LRRC4C: variants seen among roughly 807,000 people sequenced by gnomAD.
LRRC4C encodes the protein leucine-rich repeat-containing protein 4C.
Under a neutral mutation model 33.6 loss-of-function variants are expected in LRRC4C, and 5 were observed. That is an observed-to-expected ratio of 0.15 (90% CI 0.08 to 0.31). LRRC4C has a LOEUF of 0.31. LRRC4C is among the 10% of genes least tolerant of loss of function. The pLI, the probability that LRRC4C is intolerant of heterozygous loss-of-function variation, is 1.00. For missense variants in LRRC4C, 560 were observed against 796.7 expected, an observed-to-expected ratio of 0.70 and a Z score of 3.58; for synonymous variants, 329 against 302.0, an observed-to-expected ratio of 1.09 and a Z score of -0.93.
chr11:40,417,379 T>C (rs1395310354), intron 3 of LRRC4C, among the ~76,000 whole-genome samples: 1 of 152,124 alleles, frequency 6.6e-6, no homozygotes, highest in Non-Finnish European at 1.5e-5. Flanking sequence ...TGGCCCAGGA[T>C]GGAGTGCAGT....
chr11:40,260,726 G>A (rs1867642273), intron 4 of LRRC4C, among the ~76,000 whole-genome samples: 2 of 152,066 alleles, frequency 1.3e-5, no homozygotes, highest in South Asian at 4.2e-4. Context: ...TATGGATAGA[G>A]CAGCCCAGGA....
chr11:40,822,763 C>T lies in LRRC4C; in HGVS notation c.-407+110872G>A, dbSNP rs563412062. 7.9e-5 allele frequency among the ~76,000 whole-genome samples: 12 copies of T among 151,724 alleles called. 1 individual carries two copies. Among genetic ancestry groups the T allele is most frequent in the Admixed American group, 2.6e-4 (4 of 15,196 alleles). Reference sequence around the variant, plus strand: ...ATTTGCCCAAATCAATTTTCTAAAGCGCTTCCCTAATGTTGTCTTTTAGTT... The same window carrying T: ...ATTTGCCCAAATCAATTTTCTAAAGTGCTTCCCTAATGTTGTCTTTTAGTT... On this transcript the variant is annotated intron_variant, in intron 2 of 6. Coordinates refer to ENST00000528697, the MANE Select transcript of LRRC4C (RefSeq NM_001258419.2).
intron 3 of LRRC4C, among the ~76,000 whole-genome samples, chr11:40,384,183 A>G (rs1333269752): frequency 3.3e-5 from 5 of 152,040 alleles, no homozygotes; most frequent in Non-Finnish European, 5.9e-5. Context: ...GTATGATTTT[A>G]GAATCGTCAC....
intron 1 of LRRC4C, among the ~76,000 whole-genome samples, chr11:41,443,089 A>ATTTTTTTTTTTTTTTTTTTTTTCT: frequency 9.4e-6 from 1 of 105,994 alleles, no homozygotes; most frequent in Non-Finnish European, 1.8e-5. Context: ...TGTTTGCTTC[A>ATTTTTTTTTTTTTTTTTTTTTTCT]TTTTTTTTTT....
intron 1 of LRRC4C, among the ~76,000 whole-genome samples, chr11:41,249,546 T>C (rs1183760747): frequency 2.0e-5 from 3 of 152,110 alleles, no homozygotes; most frequent in African/African-American, 7.2e-5. Flanking sequence ...CATCCTACCT[T>C]TTTGACTGCC....
intron 5 of LRRC4C, among the ~76,000 whole-genome samples, chr11:40,159,567 T>A (rs989146273): frequency 2.0e-5 from 3 of 152,176 alleles, no homozygotes; most frequent in Non-Finnish European, 4.4e-5. Flanking sequence ...TAGAAATATA[T>A]GAAAATCCCA....
intron 1 of LRRC4C, among the ~76,000 whole-genome samples, chr11:41,176,408 CCAGT>C (rs1484448008): frequency 4.6e-5 from 7 of 152,074 alleles, no homozygotes; most frequent in South Asian, 2.1e-4. Flanking sequence ...ACAATAATTC[CCAGT>C]CAATTACTTT....
chr11:41,060,064 T>C (rs960322843), intron 1 of LRRC4C, among the ~76,000 whole-genome samples: 3 of 152,198 alleles, frequency 2.0e-5, no homozygotes, highest in African/African-American at 4.8e-5. Flanking sequence ...CAAATAAGAA[T>C]GTTCATTTCA....
intron 1 of LRRC4C, among the ~76,000 whole-genome samples, chr11:41,426,701 C>T (rs1213645040): frequency 2.6e-5 from 4 of 152,150 alleles, no homozygotes; most frequent in Non-Finnish European, 4.4e-5. Flanking sequence ...TGGCTTAAAA[C>T]AGCAGTAATT....
chr11:41,014,855 G>T lies in LRRC4C; in HGVS notation c.-495-81132C>A, dbSNP rs183968652. Among the ~76,000 whole-genome samples, 281 of 152,176 alleles carry T rather than the reference G, an allele frequency of 1.8e-3. 1 individual carries two copies. Among genetic ancestry groups the T allele is most frequent in the African/African-American group, 6.1e-3 (252 of 41,500 alleles). On this transcript the variant is annotated intron_variant, in intron 1 of 6. Coordinates refer to ENST00000528697, the MANE Select transcript of LRRC4C (RefSeq NM_001258419.2). ...ATGCATTGGTTACCCTAGATAAAAAGATCGTTTTCATTTTTAGTTGAGGAA... is the reference window on the plus strand; with the variant it reads ...ATGCATTGGTTACCCTAGATAAAAATATCGTTTTCATTTTTAGTTGAGGAA...
rs1406652932 is a variant in LRRC4C at position 40,592,559 on chromosome 11, T to C, written c.-270+55583A>G. ...GGGAAGAGGACTCAAGGACATTCTGTGTCCATCCCATACTGGAATGCCCTG... is the reference window on the plus strand; with the variant it reads ...GGGAAGAGGACTCAAGGACATTCTGCGTCCATCCCATACTGGAATGCCCTG... On this transcript the variant is annotated intron_variant, in intron 3 of 6. Coordinates refer to ENST00000528697, the MANE Select transcript of LRRC4C (RefSeq NM_001258419.2). Among the ~76,000 whole-genome samples the C allele has an allele frequency of 2.0e-5, 3 of 152,322 alleles. No homozygotes were observed. The East Asian group carries it at 5.8e-4, about 29-fold the overall frequency.
At chr11:40,766,708 T>C (rs1393125634) in intron 2 of LRRC4C, among the ~76,000 whole-genome samples, 4 of 18,060 alleles carry the variant, frequency 2.2e-4, no homozygotes, top group Admixed American at 1.3e-3. Flanking sequence ...GTGGTCATCA[T>C]TTTTTTAATT....
At chr11:41,276,592 G>A (rs186899234) in intron 1 of LRRC4C, among the ~76,000 whole-genome samples, 7 of 152,160 alleles carry the variant, frequency 4.6e-5, no homozygotes, top group African/African-American at 9.6e-5. Context: ...TAGATAGTAC[G>A]TAGGCAAAAT....
At chr11:40,454,346 G>C (rs928053731) in intron 3 of LRRC4C, among the ~76,000 whole-genome samples, 1 of 151,816 alleles carries the variant, frequency 6.6e-6, no homozygotes, top group African/African-American at 2.4e-5. Flanking sequence ...TCAAATATGA[G>C]AGCTATAGAA....
In LRRC4C at chr11:41,120,266, T is replaced by C. The variant is rs558391768; in HGVS notation, c.-495-186543A>G. ...TAAATTCAAATTTTCTTTTCATTCATCCAACCTGCCAAAAAACCATCTGTC... is the reference window on the plus strand; with the variant it reads ...TAAATTCAAATTTTCTTTTCATTCACCCAACCTGCCAAAAAACCATCTGTC... On this transcript the variant is annotated intron_variant, in intron 1 of 6. Transcript: ENST00000528697. 7.9e-5 allele frequency among the ~76,000 whole-genome samples: 12 copies of C among 152,320 alleles called. No homozygotes were observed. The South Asian group carries it at 2.5e-3, about 32-fold the overall frequency.
intron 1 of LRRC4C, among the ~76,000 whole-genome samples, chr11:41,051,454 C>T (rs1858197941): frequency 7.6e-6 from 1 of 131,142 alleles, no homozygotes; most frequent in Admixed American, 9.4e-5. Context: ...TCAACTACTT[C>T]CATAATGAAG....
intron 1 of LRRC4C, among the ~76,000 whole-genome samples, chr11:41,295,885 C>A (rs951838258): frequency 6.6e-6 from 1 of 152,134 alleles, no homozygotes; most frequent in African/African-American, 2.4e-5. Flanking sequence ...TTTGCTAAGC[C>A]CTGCTCAAGT....
chr11:41,206,378 G>A (rs1214703933), intron 1 of LRRC4C, among the ~76,000 whole-genome samples: 1 of 152,082 alleles, frequency 6.6e-6, no homozygotes, highest in African/African-American at 2.4e-5. Flanking sequence ...TTGGGTTGCG[G>A]AGTTCTAAAA....
chr11:40,718,466 C>A (rs761076778), intron 2 of LRRC4C, among the ~76,000 whole-genome samples: 37 of 152,170 alleles, frequency 2.4e-4, no homozygotes, highest in Non-Finnish European at 1.6e-4. Flanking sequence ...CTTTTAACCA[C>A]TGCTTTCATG....
Sources: gnomAD v4.1 joint callset for allele counts (sites outside exome capture counted in the v4.1 genomes callset) on GRCh38, gnomAD v4.1.1 for gene constraint, MANE v1.5 for transcripts, NCBI Gene and HGNC (gene_info 2026-07-23, HGNC 2026-07-21) for gene names.